Variants in PTPRD observed in about 807,000 individuals in gnomAD.
PTPRD encodes protein tyrosine phosphatase receptor type D.
Under a neutral mutation model 214.5 loss-of-function variants are expected in PTPRD, and 34 were observed. The ratio of observed to expected loss-of-function variants is 0.16; its 90% CI spans 0.12 to 0.21. The LOEUF (loss-of-function observed/expected upper bound fraction) is 0.21. Among genes scored for constraint, PTPRD ranks in the 10% least tolerant of loss-of-function variants. The pLI, the probability that PTPRD is intolerant of heterozygous loss-of-function variation, is 1.00. For missense variants in PTPRD, 2,545 were observed against 2,398.7 expected (o/e 1.06, Z -1.27); for synonymous variants, 1,128 against 845.7 (o/e 1.33, Z -5.79).
At chr9:9,056,179 G>A (rs2154397718) in intron 10 of PTPRD, among the ~76,000 whole-genome samples, 1 of 152,254 alleles carries the variant, frequency 6.6e-6, no homozygotes, top group East Asian at 1.9e-4. Context: ...ATCATCTGTT[G>A]AGTCTACCAC....
intron 9 of PTPRD, among the ~76,000 whole-genome samples, chr9:9,383,732 C>A (rs1040213464): frequency 2.6e-5 from 4 of 152,026 alleles, no homozygotes; most frequent in African/African-American, 9.7e-5. Context: ...GCTGCAGTAG[C>A]AAACAGGCCC....
chr9:10,015,696 A>C (rs1344876839), intron 4 of PTPRD, among the ~76,000 whole-genome samples: 1 of 152,172 alleles, frequency 6.6e-6, no homozygotes, highest in African/African-American at 2.4e-5. Flanking sequence ...AAGAACGAGA[A>C]GGAAGAGGAG....
intron 7 of PTPRD, among the ~76,000 whole-genome samples, chr9:9,580,558 T>C (rs937393697): frequency 2.7e-5 from 4 of 146,272 alleles, no homozygotes; most frequent in Admixed American, 6.8e-5. Context: ...TTTTTTTTTT[T>C]TTTTTTTTGA....
intron 11 of PTPRD, among the ~76,000 whole-genome samples, chr9:8,955,534 C>CTGTGG (rs2154310641): frequency 6.6e-6 from 1 of 151,978 alleles, no homozygotes; most frequent in East Asian, 1.9e-4. Flanking sequence ...TGAGTTCCCT[C>CTGTGG]TATGGTGTGC....
chr9:8,616,352 T>C (rs2095612221), intron 14 of PTPRD, among the ~76,000 whole-genome samples: 1 of 152,126 alleles, frequency 6.6e-6, no homozygotes, highest in African/African-American at 2.4e-5. Context: ...TAAAATTTCA[T>C]CTAGTACATG....
At position 9,682,925 on chromosome 9, in the gene PTPRD, G is replaced by T. The variant is rs187298060; in HGVS notation, c.-287+51608C>A. Among the ~76,000 whole-genome samples the T allele has an allele frequency of 1.8e-4, 28 of 151,860 alleles. No homozygotes were observed. In the East Asian group the frequency reaches 5.3e-3, roughly 29 times the overall value. ...CTCTAATAAGGTGGTGATGGGGAAT[G>T]CCACTGGAAAGAGCTTTAACTGATG... On this transcript the variant is annotated intron_variant, in intron 7 of 45. Coordinates refer to ENST00000381196, the MANE Select transcript of PTPRD (RefSeq NM_002839.4).
chr9:8,710,268 T>C (rs1289550836), intron 12 of PTPRD, among the ~76,000 whole-genome samples: 1 of 152,124 alleles, frequency 6.6e-6, no homozygotes, highest in African/African-American at 2.4e-5. Context: ...CAGGGTCAAG[T>C]ACATTCAGCT....
intron 3 of PTPRD, among the ~76,000 whole-genome samples, chr9:10,145,860 A>T (rs971446394): frequency 6.6e-6 from 1 of 152,114 alleles, no homozygotes; most frequent in Non-Finnish European, 1.5e-5. Flanking sequence ...TGGCAAAATG[A>T]AAATTATTCA....
intron 3 of PTPRD, among the ~76,000 whole-genome samples, chr9:10,143,124 T>A (rs1007582979): frequency 3.3e-5 from 5 of 151,526 alleles, no homozygotes; most frequent in African/African-American, 7.3e-5. Flanking sequence ...GGGACTGTTG[T>A]GAGGTGGGGG....
At chr9:10,390,426 G>A (rs762950051) in intron 2 of PTPRD, among the ~76,000 whole-genome samples, 4 of 151,692 alleles carry the variant, frequency 2.6e-5, no homozygotes, top group Non-Finnish European at 5.9e-5. Context: ...CCTGAGAGTC[G>A]GTAAAGGCAG....
intron 7 of PTPRD, among the ~76,000 whole-genome samples, chr9:9,707,512 C>G (rs1053586475): frequency 1.6e-4 from 24 of 152,074 alleles, no homozygotes; most frequent in South Asian, 2.1e-4. Flanking sequence ...CATTCCTAAA[C>G]AATGCTGGCA....
At chr9:9,522,269 G>C (rs2096997992) in intron 8 of PTPRD, among the ~76,000 whole-genome samples, 1 of 149,148 alleles carries the variant, frequency 6.7e-6, no homozygotes, top group African/African-American at 2.5e-5. Flanking sequence ...GTATTTATTA[G>C]TTTGCTGTTT....
intron 11 of PTPRD, among the ~76,000 whole-genome samples, chr9:8,787,828 C>G (rs1336617691): frequency 6.6e-6 from 1 of 152,110 alleles, no homozygotes; most frequent in Non-Finnish European, 1.5e-5. Context: ...CTGCCTCCAC[C>G]CCAGTCATCT....
At chr9:8,823,678 AAAGGG>A (rs59822513) in intron 11 of PTPRD, among the ~76,000 whole-genome samples, 69,700 of 149,942 alleles carry the variant, frequency 0.46, 16,528 homozygotes, top group African/African-American at 0.59. Flanking sequence ...AGGGAAAAGG[AAAGGG>A]AAAGGAAAGG....
intron 3 of PTPRD, among the ~76,000 whole-genome samples, chr9:10,214,686 C>T (rs2099533275): frequency 2.0e-5 from 3 of 152,024 alleles, no homozygotes; most frequent in Admixed American, 2.0e-4. Flanking sequence ...CTATGCAATC[C>T]TTCAGTCCAG....
intron 32 of PTPRD, among the ~76,000 whole-genome samples, chr9:8,463,945 A>C (rs138460218): frequency 6.6e-6 from 1 of 152,150 alleles, no homozygotes; most frequent in East Asian, 1.9e-4. Flanking sequence ...ATATAAAGAA[A>C]ATAAATATCA....
At chr9:8,552,819 A>C (rs2082501777) in intron 14 of PTPRD, among the ~76,000 whole-genome samples, 1 of 152,194 alleles carries the variant, frequency 6.6e-6, no homozygotes, top group Non-Finnish European at 1.5e-5. Context: ...GGCATTAGTA[A>C]ATGTGTCACA....
intron 4 of PTPRD, among the ~76,000 whole-genome samples, chr9:9,966,213 C>T (rs1019718252): frequency 2.0e-5 from 3 of 152,076 alleles, no homozygotes; most frequent in African/African-American, 7.2e-5. Flanking sequence ...CTATTTTTCG[C>T]AACACAAGGA....
At chr9:8,886,289 C>A (rs955865920) in intron 11 of PTPRD, among the ~76,000 whole-genome samples, 1 of 152,118 alleles carries the variant, frequency 6.6e-6, no homozygotes, top group Non-Finnish European at 1.5e-5. Flanking sequence ...TGGTATTTCA[C>A]TAACTATGTA....
Sources: gnomAD v4.1 joint callset for allele counts (sites outside exome capture counted in the v4.1 genomes callset) on GRCh38, gnomAD v4.1.1 for gene constraint, MANE v1.5 for transcripts, NCBI Gene and HGNC (gene_info 2026-07-23, HGNC 2026-07-21) for gene names.